The following PCDHGA5 variants were observed in gnomAD, a reference collection of about 807,000 sequenced individuals.
PCDHGA5 encodes the protein protocadherin gamma subfamily A, 5, also known as protocadherin gamma-A5.
PCDHGA5 carries 36 observed loss-of-function variants against 56.7 expected under a neutral mutation model. That is an observed-to-expected ratio of 0.64 (90% CI 0.49 to 0.84). PCDHGA5 has a LOEUF of 0.84. Among genes scored for constraint, PCDHGA5 ranks in the 40% least tolerant of loss-of-function variants. PCDHGA5 has a pLI of 0.00. For missense variants in PCDHGA5, 1,305 were observed against 1,201.5 expected, an observed-to-expected ratio of 1.09 and a Z score of -1.27; for synonymous variants, 563 against 520.2, an observed-to-expected ratio of 1.08 and a Z score of -1.12.
At position 141,487,493 on chromosome 5, in the gene PCDHGA5, C is replaced by A. The variant is rs1372433097; in HGVS notation, c.2422-7314C>A. 5.6e-6 allele frequency: 9 copies of A among 1,614,050 alleles called. No individual in the cohort carries two copies. The highest frequency in any genetic ancestry group is 6.8e-6 in the Non-Finnish European group (8 of 1,180,034). On this transcript the variant is annotated intron_variant, in intron 1 of 3. Coordinates refer to ENST00000518069, the MANE Select transcript of PCDHGA5 (RefSeq NM_018918.3). This position sits in a 1 kb window ranked among gnomAD's most constrained non-coding sequence, Gnocchi z 5.0. ...GGGAGGCCACTCTCATGGCTGTACACCCTTGGCTTCTGCACCCACTCGGAG... is the reference window on the plus strand; with the variant it reads ...GGGAGGCCACTCTCATGGCTGTACAACCTTGGCTTCTGCACCCACTCGGAG...
intron 1 of PCDHGA5, chr5:141,418,301 C>T: frequency 6.2e-7 from 1 of 1,613,980 alleles, no homozygotes; most frequent in South Asian, 1.1e-5. Context: ...ATCCGTCAGC[C>T]TGGGGATGGG....
At chr5:141,456,453 A>G (rs1395554812) in intron 1 of PCDHGA5, among the ~76,000 whole-genome samples, 1 of 152,190 alleles carries the variant, frequency 6.6e-6, no homozygotes, top group Non-Finnish European at 1.5e-5. Flanking sequence ...GAGTCCAAAT[A>G]TCAATACAAG....
intron 1 of PCDHGA5, chr5:141,388,489 G>A: frequency 6.2e-7 from 1 of 1,613,844 alleles, no homozygotes; most frequent in Non-Finnish European, 8.5e-7. Context: ...CCTTTGGACA[G>A]AGAAAAGCAG....
At chr5:141,403,444 G>A (rs2094408321) in intron 1 of PCDHGA5, 1 of 1,613,906 alleles carries the variant, frequency 6.2e-7, no homozygotes, top group African/African-American at 1.3e-5. Flanking sequence ...ATGTTGGCGT[G>A]AACTCCCTCC....
At position 141,404,057 on chromosome 5, in the gene PCDHGA5, T is replaced by G. The variant is rs558471539; in HGVS notation, c.2421+37306T>G. ...ACCTCAGGGAACAGTAATTCTTCTT[T>G]TCAATGCTCATGACCGAGACTCCGG... On this transcript the variant is annotated intron_variant, in intron 1 of 3. Coordinates refer to ENST00000518069, the MANE Select transcript of PCDHGA5 (RefSeq NM_018918.3). 9.5e-5 allele frequency: 154 copies of G among 1,613,894 alleles called. No individual in the cohort carries two copies. The East Asian group carries it at 3.4e-3, about 36-fold the overall frequency.
chr5:141,402,845 C>T (rs1273253699), intron 1 of PCDHGA5: 3 of 1,405,122 alleles, frequency 2.1e-6, no homozygotes, highest in Non-Finnish European at 2.8e-6. Flanking sequence ...AAAACTCAGC[C>T]TCTTTCTTCT....
chr5:141,448,192 TACAAAC>T (rs2098573842), intron 1 of PCDHGA5, among the ~76,000 whole-genome samples: 1 of 152,188 alleles, frequency 6.6e-6, no homozygotes, highest in Non-Finnish European at 1.5e-5. Flanking sequence ...TATGTACACT[TACAAAC>T]ATTTTCTGTG....
At chr5:141,404,333 C>G (rs181615917) in intron 1 of PCDHGA5, 10 of 1,613,736 alleles carry the variant, frequency 6.2e-6, no homozygotes, top group Non-Finnish European at 8.5e-6. Flanking sequence ...CTCAGTCTAC[C>G]TCCCGGAAAA....
chr5:141,408,144 G>C (rs868032463), intron 1 of PCDHGA5: 4 of 1,496,186 alleles, frequency 2.7e-6, no homozygotes, highest in East Asian at 2.5e-5. Context: ...CTTTTAGCGC[G>C]GTAGAGTGCA....
chr5:141,494,182 C>A (rs188628485), intron 1 of PCDHGA5, among the ~76,000 whole-genome samples: 1 of 152,126 alleles, frequency 6.6e-6, no homozygotes, highest in Non-Finnish European at 1.5e-5. Context: ...AGAAGTGTCC[C>A]GGGACTTGGA....
intron 1 of PCDHGA5, chr5:141,479,646 A>G (rs2099501987): frequency 6.6e-6 from 1 of 152,256 alleles, no homozygotes; most frequent in Admixed American, 6.5e-5. Context: ...CAACAACAAC[A>G]ACAACAATCC....
rs73280340 is a variant in PCDHGA5, at chr5:141,473,067, G to A, written c.2422-21740G>A. On this transcript the variant is annotated intron_variant, in intron 1 of 3. Transcript: ENST00000518069. ...GAAAGAAGTGATACAACAAGTTACA[G>A]CATCTTTGTTTATTATCCACTGTGA... Among the ~76,000 whole-genome samples the A allele has an allele frequency of 5.6e-3, 854 of 152,054 alleles. 5 individuals are homozygous for A. The highest frequency in any genetic ancestry group is 0.019 in the African/African-American group (798 of 41,456).
intron 1 of PCDHGA5, chr5:141,397,891 A>G: frequency 3.2e-6 from 2 of 631,130 alleles, no homozygotes; most frequent in Non-Finnish European, 5.3e-6. Context: ...CTGTTGGCCA[A>G]AGTGCAGAGC....
rs780105196 is a variant in PCDHGA5 at position 141,366,612 on chromosome 5, C to A, written c.2282C>A (p.Ala761Glu). ...TATTCCCACGAGGTCTCCCTCACCG[C>A]GGACTCGAGGAAGAGTCACCTGATC... ...QTYSHEVSLT[A>E]DSRKSHLIFP... Residue 761 changes from alanine to glutamate, a missense_variant, in exon 1 of 4, where the codon GCG (alanine) becomes GAG (glutamate). Coordinates refer to ENST00000518069, the MANE Select transcript of PCDHGA5 (RefSeq NM_018918.3). 3 of 1,614,118 alleles carry A rather than the reference C, an allele frequency of 1.9e-6. No individual in the cohort carries two copies. The highest frequency in any genetic ancestry group is 1.3e-5 in the African/African-American group (1 of 74,942).
At chr5:141,398,827 G>A in intron 1 of PCDHGA5, 1 of 1,613,982 alleles carries the variant, frequency 6.2e-7, no homozygotes, top group East Asian at 2.2e-5. Flanking sequence ...CCAGGTAACC[G>A]ACGCCAATGA....
intron 1 of PCDHGA5, chr5:141,426,876 C>G (rs796453479): frequency 2.2e-6 from 1 of 456,726 alleles, no homozygotes; most frequent in Admixed American, 2.3e-5. Flanking sequence ...GGAGAAGCCC[C>G]TGGGCCAGGA....
chr5:141,392,836 C>G, intron 1 of PCDHGA5: 1 of 1,608,040 alleles, frequency 6.2e-7, no homozygotes, highest in Non-Finnish European at 8.5e-7. Flanking sequence ...CAGAGTCGCC[C>G]CAGACGCGGC....
intron 1 of PCDHGA5, chr5:141,388,512 T>G (rs1342946669): frequency 1.2e-6 from 2 of 1,613,846 alleles, no homozygotes; most frequent in Non-Finnish European, 1.7e-6. Flanking sequence ...ATCCTACCAC[T>G]TGACTTTGAC....
intron 1 of PCDHGA5, chr5:141,392,600 G>A: frequency 2.0e-6 from 1 of 505,338 alleles, no homozygotes; most frequent in East Asian, 3.2e-5. Context: ...TCACCTACTG[G>A]AAGACAAATG....
Sources: gnomAD v4.1 joint callset for allele counts (sites outside exome capture counted in the v4.1 genomes callset) on GRCh38, gnomAD v4.1.1 for gene constraint, Gnocchi (gnomAD v3.1) non-coding constraint, MANE v1.5 for transcripts, NCBI Gene and HGNC (gene_info 2026-07-23, HGNC 2026-07-21) for gene names.